Variants in MBD5 observed in about 807,000 individuals in gnomAD.
MBD5 encodes methyl-CpG binding domain protein 5.
A neutral mutation model predicts 117.3 loss-of-function variants in MBD5; 13 were observed. The ratio of observed to expected loss-of-function variants is 0.11; its 90% CI spans 0.07 to 0.18. The LOEUF is 0.18. Ranked by LOEUF, MBD5 falls within the 10% of genes least tolerant of loss-of-function variation. MBD5 has a pLI of 1.00. For synonymous variants in MBD5, 727 were observed against 766.4 expected, an observed-to-expected ratio of 0.95 and a Z score of 0.85; for missense variants, 1,879 against 2,093.8, an observed-to-expected ratio of 0.90 and a Z score of 2.00.
chr2:148,302,779 A>G (rs1574260795), intron 3 of MBD5, among the ~76,000 whole-genome samples: 1 of 150,118 alleles, frequency 6.7e-6, no homozygotes. Flanking sequence ...TACAATGTAC[A>G]CCACCCTACC....
At chr2:148,464,575 A>G (rs1707198918) in intron 7 of MBD5, among the ~76,000 whole-genome samples, 1 of 152,000 alleles carries the variant, frequency 6.6e-6, no homozygotes, top group Admixed American at 6.6e-5. Flanking sequence ...CATTCAGGAA[A>G]TTTAACACTG....
intron 1 of MBD5, among the ~76,000 whole-genome samples, chr2:148,177,920 A>G (rs1309224382): frequency 6.6e-6 from 1 of 152,140 alleles, no homozygotes; most frequent in Non-Finnish European, 1.5e-5. Flanking sequence ...ACTTGGGAGG[A>G]TGAGAAAGGA....
chr2:148,242,627 A>T (rs940552957), intron 3 of MBD5, among the ~76,000 whole-genome samples: 4 of 152,190 alleles, frequency 2.6e-5, no homozygotes, highest in African/African-American at 9.6e-5. Context: ...TGGAATTTCC[A>T]GTGAGAAACC....
chr2:148,505,030 C>T (rs1425608327), intron 12 of MBD5, among the ~76,000 whole-genome samples: 1 of 152,072 alleles, frequency 6.6e-6, no homozygotes, highest in Admixed American at 6.6e-5. Context: ...TGGCAGAATA[C>T]AAGGGAGAAC....
intron 4 of MBD5, among the ~76,000 whole-genome samples, chr2:148,450,818 A>T (rs1007563488): frequency 6.6e-6 from 1 of 152,168 alleles, no homozygotes; most frequent in Non-Finnish European, 1.5e-5. Flanking sequence ...ATTTAGTTCA[A>T]TGAAGACTTC....
rs75693281 is a variant in MBD5 at position 148,154,937 on chromosome 2, C to T, written c.-924-23763C>T. Reference sequence around the variant, plus strand: ...GCTGTAGACAGGAGCTATTCCTATTCGGCCATCTTGGCTCCTCCCTAAATA... The same window carrying T: ...GCTGTAGACAGGAGCTATTCCTATTTGGCCATCTTGGCTCCTCCCTAAATA... On this transcript the variant is annotated intron_variant, in intron 1 of 13. Transcript: ENST00000642680. Among the ~76,000 whole-genome samples, 31 of 152,314 alleles carry T rather than the reference C, an allele frequency of 2.0e-4. No individual in the cohort carries two copies. In the East Asian group the frequency reaches 4.4e-3, roughly 22 times the overall value.
intron 3 of MBD5, among the ~76,000 whole-genome samples, chr2:148,248,793 G>A (rs1034550479): frequency 3.3e-5 from 5 of 152,038 alleles, no homozygotes; most frequent in Admixed American, 6.6e-5. Flanking sequence ...TAGACAGACT[G>A]ACCAGTGGAA....
chr2:148,034,001 C>T (rs1694115512), intron 1 of MBD5, among the ~76,000 whole-genome samples: 1 of 152,086 alleles, frequency 6.6e-6, no homozygotes, highest in South Asian at 2.1e-4. Context: ...TGTTTGACAG[C>T]CTGGGCACCA....
intron 1 of MBD5, among the ~76,000 whole-genome samples, chr2:148,143,917 G>T (rs1389907784): frequency 1.3e-5 from 2 of 151,926 alleles, no homozygotes; most frequent in Admixed American, 6.6e-5. Context: ...AAACATACGT[G>T]TGCATGTGTC....
chr2:148,066,708 G>C (rs1171382139), intron 1 of MBD5, among the ~76,000 whole-genome samples: 2 of 151,998 alleles, frequency 1.3e-5, no homozygotes, highest in Admixed American at 6.6e-5. Context: ...GAACTCCTGA[G>C]CTCAGGCAAT....
At chr2:148,369,590 G>T (rs1056334758) in intron 4 of MBD5, among the ~76,000 whole-genome samples, 3 of 152,092 alleles carry the variant, frequency 2.0e-5, no homozygotes, top group Admixed American at 6.5e-5. Context: ...AGAGTTACAA[G>T]AGTCCCTCAG....
At chr2:148,415,737 C>T (rs1039491561) in intron 4 of MBD5, among the ~76,000 whole-genome samples, 8 of 152,154 alleles carry the variant, frequency 5.3e-5, no homozygotes, top group African/African-American at 1.7e-4. Flanking sequence ...ATTCTTTCAT[C>T]AGCTTGTTCT....
chr2:148,468,289 C>T (rs1559085342), intron 7 of MBD5, 52 bp from the exon 8 acceptor site: 2 of 1,508,616 alleles, frequency 1.3e-6, no homozygotes, highest in Admixed American at 1.7e-5. Flanking sequence ...TCCCTCCCAC[C>T]ACAAAAGAGT....
chr2:148,381,100 G>A (rs558494654), intron 4 of MBD5, among the ~76,000 whole-genome samples: 1 of 152,220 alleles, frequency 6.6e-6, no homozygotes, highest in African/African-American at 2.4e-5. Context: ...CACCAGCAAC[G>A]GAACAAAGCT....
chr2:148,259,548 A>C (rs1052309669), intron 3 of MBD5, among the ~76,000 whole-genome samples: 5 of 152,194 alleles, frequency 3.3e-5, no homozygotes, highest in African/African-American at 1.2e-4. Context: ...GCCAATTCTC[A>C]GGTTCTAACT....
intron 2 of MBD5, among the ~76,000 whole-genome samples, chr2:148,180,752 G>A (rs1698513029): frequency 6.6e-6 from 1 of 151,840 alleles, no homozygotes; most frequent in Admixed American, 6.6e-5. Flanking sequence ...CACACTCTTA[G>A]GTCCATGGGG....
At chr2:148,324,672 G>C (rs1235499380) in intron 3 of MBD5, among the ~76,000 whole-genome samples, 1 of 151,928 alleles carries the variant, frequency 6.6e-6, no homozygotes, top group Admixed American at 6.6e-5. Context: ...TGTGATTTTT[G>C]TACATTGATT....
chr2:148,479,454 CAA>C (rs888031379), intron 8 of MBD5, among the ~76,000 whole-genome samples: 7 of 152,136 alleles, frequency 4.6e-5, no homozygotes, highest in Non-Finnish European at 8.8e-5. Context: ...TTAATACTAA[CAA>C]ATATTTTTTG....
At chr2:148,412,474 G>C (rs1224356197) in intron 4 of MBD5, among the ~76,000 whole-genome samples, 1 of 151,968 alleles carries the variant, frequency 6.6e-6, no homozygotes, top group Non-Finnish European at 1.5e-5. Flanking sequence ...TTTTAAAATA[G>C]TCTTTTCTAA....
Sources: gnomAD v4.1 joint callset for allele counts (sites outside exome capture counted in the v4.1 genomes callset) on GRCh38, gnomAD v4.1.1 for gene constraint, MANE v1.5 for transcripts, NCBI Gene and HGNC (gene_info 2026-07-23, HGNC 2026-07-21) for gene names.